The following ENTPD4 variants were observed in gnomAD, a reference collection of about 807,000 sequenced individuals.
ENTPD4 encodes the protein Golgi UDPase.
In ENTPD4, 60 loss-of-function variants were observed where a neutral mutation model predicts 79.1. The ratio of observed to expected loss-of-function variants is 0.76; its 90% CI spans 0.62 to 0.94. The LOEUF is 0.94. Ranked by LOEUF, ENTPD4 falls within the 40% of genes least tolerant of loss-of-function variation. ENTPD4 has a pLI of 0.00. For missense variants in ENTPD4, 772 were observed against 775.1 expected (o/e 1.00, Z 0.05); for synonymous variants, 276 against 292.0 (o/e 0.95, Z 0.56).
rs567457122 is a variant in ENTPD4, at chr8:23,429,769, C to T, written c.*3157G>A. On this transcript the variant is annotated 3_prime_UTR_variant, in exon 13 of 13. Transcript: ENST00000358689. ...TGTTACTGGCCTCAGCCACCAGCAGCGTCTTCACTCCGCCCAGGTCAGAAA... is the reference window on the plus strand; with the variant it reads ...TGTTACTGGCCTCAGCCACCAGCAGTGTCTTCACTCCGCCCAGGTCAGAAA... 5 of 985,336 alleles carry T rather than the reference C, an allele frequency of 5.1e-6. No homozygotes were observed. The highest frequency in any genetic ancestry group is 1.7e-5 in the African/African-American group (1 of 57,246). 61.0% of individuals were successfully genotyped at this position (985,336 alleles called of 1,614,324 possible). A position where few individuals can be genotyped will look rare whatever the true frequency, so the allele number is the denominator to read the frequency against.
At chr8:23,435,281 G>T in intron 11 of ENTPD4, 111 bp downstream of exon 11, 1 of 694,590 alleles carries the variant, frequency 1.4e-6, no homozygotes, top group South Asian at 1.7e-5. Context: ...TAGATGGGAA[G>T]AACAGTGAGT....
At position 23,443,972 on chromosome 8, in the gene ENTPD4, AT is replaced by A; in HGVS notation, c.564-20del. The A allele has an allele frequency of 6.6e-7, 1 of 1,519,118 alleles. No homozygotes were observed. Among genetic ancestry groups the A allele is most frequent in the Non-Finnish European group, 9.1e-7 (1 of 1,099,624 alleles). 94.1% of individuals were successfully genotyped at this position (1,519,118 alleles called of 1,614,324 possible). The stretch of plus-strand genomic sequence containing the variant: ...CTGCTGGCTGTAAAGTAATAAAAAC[AT>A]TTACAAATCAAAAGATTACAGCTTG... On this transcript the variant is annotated intron_variant, in intron 5 of 12. Transcript: ENST00000358689.
chr8:23,449,781 A>G, intron 2 of ENTPD4, 112 bp downstream of exon 2: 1 of 944,344 alleles, frequency 1.1e-6, no homozygotes, highest in Non-Finnish European at 1.7e-6. Flanking sequence ...CTTAAACAGA[A>G]GCACAGCACA....
intron 1 of ENTPD4, among the ~76,000 whole-genome samples, chr8:23,454,503 T>G (rs1295649253): frequency 1.3e-5 from 2 of 152,180 alleles, no homozygotes; most frequent in African/African-American, 4.8e-5. Flanking sequence ...AGATACTAAT[T>G]AAAGGCAATG....
chr8:23,457,133 T>C (rs1409656671), intron 1 of ENTPD4, among the ~76,000 whole-genome samples: 1 of 152,072 alleles, frequency 6.6e-6, no homozygotes, highest in Non-Finnish European at 1.5e-5. Flanking sequence ...ACATGAAATC[T>C]GGCAAAAGCA....
At chr8:23,450,532 C>T (rs1276978122) in intron 1 of ENTPD4, among the ~76,000 whole-genome samples, 2 of 152,198 alleles carry the variant, frequency 1.3e-5, no homozygotes, top group East Asian at 3.8e-4. Context: ...TCTGCTGAAG[C>T]CAAAGGACAA....
rs1175794616 is a variant in ENTPD4 at position 23,441,685 on chromosome 8, C to A, written c.766G>T (p.Glu256Ter). Residue 256 changes from glutamate (E) to a stop codon, truncating the protein, a stop_gained, in exon 8 of 13, where the codon GAA becomes TAA. Transcript: ENST00000358689. LOFTEE classifies it high-confidence loss of function. ...AVVEVNIPGS[E>*]SSEAIVRKRT... The stretch of plus-strand genomic sequence containing the variant: ...TTACGGACAATGGCTTCGCTGCTTT[C>A]ACTTCCAGGAATGTTAACTTCCACA... 11 of 1,614,032 alleles carry A rather than the reference C, an allele frequency of 6.8e-6. No individual in the cohort carries two copies. Among genetic ancestry groups the A allele is most frequent in the Non-Finnish European group, 8.5e-6 (10 of 1,180,038 alleles).
chr8:23,437,322 G>A, intron 9 of ENTPD4, 64 bp from the exon 10 acceptor site: 1 of 1,272,480 alleles, frequency 7.9e-7, no homozygotes. Flanking sequence ...GGAAGTGGCT[G>A]CAAACCAGTG....
At chr8:23,455,336 T>A (rs1183644383) in intron 1 of ENTPD4, among the ~76,000 whole-genome samples, 1 of 152,198 alleles carries the variant, frequency 6.6e-6, no homozygotes, top group African/African-American at 2.4e-5. Flanking sequence ...CAGAAAAGAA[T>A]GATTTGAATA....
intron 1 of ENTPD4, among the ~76,000 whole-genome samples, chr8:23,456,212 C>T (rs941087013): frequency 1.3e-5 from 2 of 152,224 alleles, no homozygotes; most frequent in Non-Finnish European, 2.9e-5. Flanking sequence ...TACCATCTCT[C>T]AGCTCCAGTG....
chr8:23,442,670 A>G (rs950300223), intron 6 of ENTPD4, among the ~76,000 whole-genome samples: 5 of 148,086 alleles, frequency 3.4e-5, no homozygotes, highest in Admixed American at 3.4e-4. Flanking sequence ...TGACAGAGCG[A>G]GACTCCATCT....
intron 1 of ENTPD4, among the ~76,000 whole-genome samples, chr8:23,454,446 G>A (rs1249849111): frequency 6.6e-6 from 1 of 152,224 alleles, no homozygotes; most frequent in Non-Finnish European, 1.5e-5. Flanking sequence ...ATTTCATGGA[G>A]TTTGCAGATT....
chr8:23,434,611 A>T, intron 11 of ENTPD4, 133 bp from the exon 12 acceptor site: 11 of 1,482,950 alleles, frequency 7.4e-6, no homozygotes, highest in Non-Finnish European at 9.8e-6. Context: ...GCTCTCCCAA[A>T]CCAACTGCGC....
intron 7 of ENTPD4, 55 bp downstream of exon 7, chr8:23,441,952 A>C: frequency 1.3e-6 from 2 of 1,488,000 alleles, no homozygotes; most frequent in South Asian, 1.1e-5. Context: ...CTTTGGATTA[A>C]ACAGAAAAGC....
At chr8:23,455,773 T>G (rs1800947339) in intron 1 of ENTPD4, among the ~76,000 whole-genome samples, 1 of 152,108 alleles carries the variant, frequency 6.6e-6, no homozygotes, top group African/African-American at 2.4e-5. Flanking sequence ...AACTCTAGGG[T>G]TGAAATCTTC....
At position 23,429,731 on chromosome 8, in the gene ENTPD4, G is replaced by A. The variant is rs1176195817; in HGVS notation, c.*3195C>T. On this transcript the variant is annotated 3_prime_UTR_variant, in exon 13 of 13. Coordinates refer to ENST00000358689, the MANE Select transcript of ENTPD4 (RefSeq NM_004901.5). ...ACCTACCCAGCCTTCAGGGTGGCTGGGCAGGGGCCCCATGTTACTGGCCTC... is the reference window on the plus strand; with the variant it reads ...ACCTACCCAGCCTTCAGGGTGGCTGAGCAGGGGCCCCATGTTACTGGCCTC... 1.0e-6 allele frequency: 1 copy of A among 985,328 alleles called. No individual in the cohort carries two copies. Among genetic ancestry groups the A allele is most frequent in the Non-Finnish European group, 1.2e-6 (1 of 829,942 alleles). The allele number at this position is 985,328 out of a possible 1,614,324, so 61.0% of individuals were successfully genotyped here. A position where few individuals can be genotyped will look rare whatever the true frequency, so the allele number is the denominator to read the frequency against.
chr8:23,434,605 T>C, intron 11 of ENTPD4, 127 bp from the exon 12 acceptor site: 2 of 1,492,440 alleles, frequency 1.3e-6, no homozygotes, highest in Non-Finnish European at 1.8e-6. Context: ...AGGCCGGCTC[T>C]CCCAAACCAA....
In ENTPD4 at chr8:23,432,788, G is replaced by A. The variant is rs565289231; in HGVS notation, c.*138C>T. On this transcript the variant is annotated 3_prime_UTR_variant, in exon 13 of 13. Coordinates refer to ENST00000358689, the MANE Select transcript of ENTPD4 (RefSeq NM_004901.5). ...GCTGGGATTACAGGCGTGAGCCACC[G>A]CGCTCGGCCTGCATTTTGTTTTTGT... 6.1e-5 allele frequency: 87 copies of A among 1,436,120 alleles called. No individual in the cohort carries two copies. Among genetic ancestry groups the A allele is most frequent in the South Asian group, 3.9e-4 (26 of 66,448 alleles). The allele number at this position is 1,436,120 out of a possible 1,614,324, so 89.0% of individuals were successfully genotyped here.
At chr8:23,454,117 G>C (rs1409012856) in intron 1 of ENTPD4, among the ~76,000 whole-genome samples, 6 of 152,164 alleles carry the variant, frequency 3.9e-5, no homozygotes, top group Non-Finnish European at 7.3e-5. Flanking sequence ...ATTTTTCAAA[G>C]GACATATATT....
Sources: allele counts gnomAD v4.1 joint callset (sites outside exome capture counted in the v4.1 genomes callset), GRCh38; gene constraint gnomAD v4.1.1; transcripts MANE v1.5; gene names NCBI Gene and HGNC (gene_info 2026-07-23, HGNC 2026-07-21).